PABPC4L: variants seen among roughly 807,000 people sequenced by gnomAD.
The protein encoded by PABPC4L is polyadenylate-binding protein 4-like.
For missense variants in PABPC4L, 452 were observed against 451.4 expected (o/e 1.00, Z -0.01); for synonymous variants, 169 against 164.1 (o/e 1.03, Z -0.23).
At chr4:134,181,659 C>G in the PABPC4L span, among the ~76,000 whole-genome samples, 1 of 151,990 alleles carries the variant, frequency 6.6e-6, no homozygotes, top group African/African-American at 2.4e-5. Flanking sequence ...ATATGATAAA[C>G]TACTTCAGCA....
chr4:134,099,217 T>C, the PABPC4L span, among the ~76,000 whole-genome samples: 3 of 151,756 alleles, frequency 2.0e-5, no homozygotes, highest in Non-Finnish European at 2.9e-5. Flanking sequence ...GTTTTTGCTG[T>C]GGAATTCACT....
the PABPC4L span, among the ~76,000 whole-genome samples, chr4:134,123,897 A>C: frequency 6.6e-6 from 1 of 152,052 alleles, no homozygotes. Flanking sequence ...AATTGAAAAA[A>C]AAGTTGGGTA....
At chr4:134,040,552 C>G in the PABPC4L span, among the ~76,000 whole-genome samples, 1 of 152,110 alleles carries the variant, frequency 6.6e-6, no homozygotes, top group Non-Finnish European at 1.5e-5. Context: ...GGATCCCTTC[C>G]TTACACCTTA....
chr4:133,982,439 G>T, the PABPC4L span, among the ~76,000 whole-genome samples: 1 of 151,934 alleles, frequency 6.6e-6, no homozygotes, highest in South Asian at 2.1e-4. Context: ...TGCACCAAGG[G>T]AAACTTAAGA....
the PABPC4L span, among the ~76,000 whole-genome samples, chr4:134,041,704 A>G: frequency 4.6e-5 from 7 of 152,012 alleles, no homozygotes; most frequent in Non-Finnish European, 1.0e-4. Flanking sequence ...TCCAGAACTT[A>G]TAGTATAATT....
At chr4:134,093,913 A>C in the PABPC4L span, among the ~76,000 whole-genome samples, 2 of 151,456 alleles carry the variant, frequency 1.3e-5, no homozygotes, top group Admixed American at 1.3e-4. Context: ...ACATTTTACA[A>C]TATAATGTGT....
chr4:134,076,489 A>G, the PABPC4L span, among the ~76,000 whole-genome samples: 1 of 152,160 alleles, frequency 6.6e-6, no homozygotes, highest in African/African-American at 2.4e-5. Flanking sequence ...TACATGCGAG[A>G]GAATCAACAA....
chr4:134,037,048 C>T, the PABPC4L span, among the ~76,000 whole-genome samples: 1 of 96,856 alleles, frequency 1.0e-5, no homozygotes, highest in Admixed American at 9.7e-5. Context: ...AAGAGCAAAA[C>T]TCCATCTCAA....
the PABPC4L span, among the ~76,000 whole-genome samples, chr4:133,989,606 C>T: frequency 6.6e-6 from 1 of 152,140 alleles, no homozygotes; most frequent in South Asian, 2.1e-4. Flanking sequence ...CTCCTGAGCC[C>T]TCCAAGTCTT....
the PABPC4L span, among the ~76,000 whole-genome samples, chr4:134,034,895 A>T: frequency 6.6e-6 from 1 of 152,080 alleles, no homozygotes; most frequent in Non-Finnish European, 1.5e-5. Flanking sequence ...GCAAAGTTTG[A>T]AATAATTGAC....
the PABPC4L span, among the ~76,000 whole-genome samples, chr4:134,135,146 G>T: frequency 6.6e-6 from 1 of 152,152 alleles, no homozygotes; most frequent in African/African-American, 2.4e-5. Context: ...TAATAAAGAA[G>T]AAATACATTC....
the PABPC4L span, among the ~76,000 whole-genome samples, chr4:133,956,083 T>A: frequency 2.0e-5 from 3 of 152,144 alleles, no homozygotes; most frequent in Non-Finnish European, 1.5e-5. Flanking sequence ...GATTTCAACA[T>A]TCAAATCATA....
the PABPC4L span, among the ~76,000 whole-genome samples, chr4:134,106,160 T>G: frequency 6.6e-6 from 1 of 151,630 alleles, no homozygotes; most frequent in Admixed American, 6.6e-5. Flanking sequence ...AATTCCAGAT[T>G]AAGTTTAATT....
the PABPC4L span, among the ~76,000 whole-genome samples, chr4:134,186,649 A>G: frequency 6.6e-6 from 1 of 152,302 alleles, no homozygotes; most frequent in East Asian, 1.9e-4. Context: ...CTTCATGACT[A>G]AAACACCAAA....
At chr4:134,061,846 G>GAAGAAAGAAGGAAAGA in the PABPC4L span, among the ~76,000 whole-genome samples, 2 of 150,832 alleles carry the variant, frequency 1.3e-5, no homozygotes, top group East Asian at 2.0e-4. Context: ...AAAAGAAAAA[G>GAAGAAAGAAGGAAAGA]AAGAAAGAAG....
At chr4:134,135,977 T>C in the PABPC4L span, among the ~76,000 whole-genome samples, 6 of 152,130 alleles carry the variant, frequency 3.9e-5, no homozygotes, top group Admixed American at 2.6e-4. Flanking sequence ...TTATTTTTTA[T>C]AAAAATAGCA....
chr4:134,061,192 T>TGAGCTAGGTACCCA, the PABPC4L span, among the ~76,000 whole-genome samples: 1 of 151,996 alleles, frequency 6.6e-6, no homozygotes, highest in East Asian at 1.9e-4. Context: ...ATGTAACACA[T>TGAGCTAGGTACCCA]CAATATATAC....
chr4:134,017,337 T>A, the PABPC4L span, among the ~76,000 whole-genome samples: 1 of 152,164 alleles, frequency 6.6e-6, no homozygotes, highest in East Asian at 1.9e-4. Flanking sequence ...CCTGTTTAGA[T>A]GCTCCTTTTT....
chr4:134,053,823 T>C, the PABPC4L span, among the ~76,000 whole-genome samples: 1 of 151,996 alleles, frequency 6.6e-6, no homozygotes, highest in African/African-American at 2.4e-5. Context: ...CTTATTCTTG[T>C]TTTGTCGTGT....
Sources: gnomAD v4.1 joint callset for allele counts (sites outside exome capture counted in the v4.1 genomes callset) on GRCh38, gnomAD v4.1.1 for gene constraint, MANE v1.5 for transcripts, NCBI Gene and HGNC (gene_info 2026-07-23, HGNC 2026-07-21) for gene names.